The following TMTC2 variants were observed in gnomAD, a reference collection of about 807,000 sequenced individuals.
The protein encoded by TMTC2 is protein O-mannosyl-transferase TMTC2.
TMTC2 carries 43 observed loss-of-function variants against 82.4 expected under a neutral mutation model. The ratio of observed to expected loss-of-function variants is 0.52; its 90% CI spans 0.41 to 0.67. TMTC2 has a LOEUF of 0.67. Ranked by LOEUF, TMTC2 falls within the 30% of genes least tolerant of loss-of-function variation. The pLI, the probability that TMTC2 is intolerant of heterozygous loss-of-function variation, is 0.00. For missense variants in TMTC2, 919 were observed against 1,012.4 expected, an observed-to-expected ratio of 0.91 and a Z score of 1.25; for synonymous variants, 408 against 381.9, an observed-to-expected ratio of 1.07 and a Z score of -0.80.
intron 11 of TMTC2, among the ~76,000 whole-genome samples, chr12:83,080,101 G>A (rs1883412995): frequency 6.6e-6 from 1 of 152,114 alleles, no homozygotes; most frequent in African/African-American, 2.4e-5. Context: ...GATTGACACA[G>A]TAACTCCCAA....
At position 82,897,966 on chromosome 12, in the gene TMTC2, T is replaced by TAC. The variant is rs1329826747; in HGVS notation, c.1483+1321_1483+1322insCA. On this transcript the variant is annotated intron_variant, in intron 3 of 11. Transcript: ENST00000321196. ...TGAAAATGGCCTGCTAATAGGTGTA[T>TAC]ATATATATATATAAAGACCTAGATA... is the stretch of plus-strand genomic sequence containing the variant. Among the ~76,000 whole-genome samples the TAC allele has an allele frequency of 9.5e-5, 3 of 31,556 alleles. No homozygotes were observed. In the East Asian group the frequency reaches 2.6e-3, roughly 27 times the overall value. The allele number at this position is 31,556 out of a possible 152,430, so 20.7% of individuals were successfully genotyped here.
intron 1 of TMTC2, among the ~76,000 whole-genome samples, chr12:82,723,811 C>T (rs765270383): frequency 6.6e-6 from 1 of 152,308 alleles, no homozygotes; most frequent in African/African-American, 2.4e-5. Context: ...GCATCTAGGA[C>T]TTCTGAAAAC....
At chr12:82,839,326 T>A (rs1408330473) in intron 1 of TMTC2, among the ~76,000 whole-genome samples, 1 of 152,202 alleles carries the variant, frequency 6.6e-6, no homozygotes, top group Non-Finnish European at 1.5e-5. Context: ...TGAGAATCTA[T>A]CTATTCTGAG....
chr12:82,691,618 G>A (rs1198082634), intron 1 of TMTC2, among the ~76,000 whole-genome samples: 1 of 151,936 alleles, frequency 6.6e-6, no homozygotes, highest in Non-Finnish European at 1.5e-5. Flanking sequence ...GTTAGTTTGG[G>A]TTTTTTGACC....
chr12:82,995,502 T>C (rs1197250279), intron 8 of TMTC2, among the ~76,000 whole-genome samples: 1 of 152,146 alleles, frequency 6.6e-6, no homozygotes, highest in Non-Finnish European at 1.5e-5. Flanking sequence ...TATGTTACAT[T>C]TGAGGCTCAT....
intron 7 of TMTC2, among the ~76,000 whole-genome samples, chr12:82,979,831 C>T (rs1878842885): frequency 6.6e-6 from 1 of 151,692 alleles, no homozygotes; most frequent in African/African-American, 2.4e-5. Context: ...TCTATTTCTC[C>T]TTCATGTTTG....
intron 4 of TMTC2, among the ~76,000 whole-genome samples, chr12:82,942,877 CT>C (rs1437531004): frequency 6.6e-6 from 1 of 151,920 alleles, no homozygotes; most frequent in African/African-American, 2.4e-5. Context: ...CATTTTCTTT[CT>C]ATTGCAGGTT....
At chr12:82,952,719 T>C (rs1264250508) in intron 4 of TMTC2, among the ~76,000 whole-genome samples, 3 of 151,962 alleles carry the variant, frequency 2.0e-5, no homozygotes, top group African/African-American at 7.3e-5. Context: ...CTAATTTTTG[T>C]GTGTGGTGTT....
chr12:82,847,953 T>A (rs1374994004), intron 1 of TMTC2, among the ~76,000 whole-genome samples: 1 of 152,094 alleles, frequency 6.6e-6, no homozygotes, highest in African/African-American at 2.4e-5. Context: ...AATAATAATT[T>A]TAAAAAAGAA....
intron 4 of TMTC2, among the ~76,000 whole-genome samples, chr12:82,948,853 AT>A (rs35592744): frequency 0.74 from 110,716 of 149,594 alleles, 41,660 homozygotes; most frequent in South Asian, 0.84. Flanking sequence ...CTCAAAAGCT[AT>A]TTTTTTTTTT....
At chr12:82,856,534 G>T (rs1871266263) in intron 1 of TMTC2, among the ~76,000 whole-genome samples, 1 of 152,132 alleles carries the variant, frequency 6.6e-6, no homozygotes, top group South Asian at 2.1e-4. Context: ...AGGGTTGTCA[G>T]GTGATTTGTA....
rs1491534159 is a variant in TMTC2, at chr12:82,696,963, C to CATATATATAT, written c.83+9294_83+9295insATATATATAT. Among the ~76,000 whole-genome samples the CATATATATAT allele has an allele frequency of 1.6e-4, 20 of 121,422 alleles. 2 individuals are homozygous for CATATATATAT. The East Asian group carries it at 4.9e-3, about 29-fold the overall frequency. 79.7% of individuals were successfully genotyped at this position (121,422 alleles called of 152,430 possible). ...AGCTCTCTTTCTACATACATACATA[C>CATATATATAT]GTATATATATATATATATATGTTTC... On this transcript the variant is annotated intron_variant, in intron 1 of 11. Transcript: ENST00000321196.
chr12:82,995,493 A>C (rs745706319), intron 8 of TMTC2, among the ~76,000 whole-genome samples: 2 of 152,124 alleles, frequency 1.3e-5, no homozygotes, highest in South Asian at 4.1e-4. Flanking sequence ...ATGTTTACCT[A>C]TGTTACATTT....
chr12:83,079,055 A>T (rs1883378399), intron 11 of TMTC2, among the ~76,000 whole-genome samples: 1 of 152,182 alleles, frequency 6.6e-6, no homozygotes, highest in African/African-American at 2.4e-5. Context: ...TAATACAATT[A>T]ATAACTACAA....
intron 1 of TMTC2, among the ~76,000 whole-genome samples, chr12:82,772,862 A>G (rs1180875538): frequency 6.6e-6 from 1 of 152,182 alleles, no homozygotes; most frequent in Non-Finnish European, 1.5e-5. Flanking sequence ...TGGTGTTGAC[A>G]CAAATGGGAA....
chr12:82,724,030 A>C (rs1275593982), intron 1 of TMTC2, among the ~76,000 whole-genome samples: 1 of 152,228 alleles, frequency 6.6e-6, no homozygotes, highest in East Asian at 1.9e-4. Flanking sequence ...GGGGATACAA[A>C]GAACTTCTGG....
intron 1 of TMTC2, among the ~76,000 whole-genome samples, chr12:82,706,848 G>T (rs911316316): frequency 1.3e-5 from 2 of 152,112 alleles, no homozygotes; most frequent in African/African-American, 4.8e-5. Flanking sequence ...GAGATGGAAA[G>T]ACGTGCCTAC....
chr12:82,857,322 A>G lies in TMTC2; in HGVS notation c.396A>G (p.Ala132=). The change falls in exon 2 of 12, where the codon GCA becomes GCG. Residue 132 remains alanine, a synonymous_variant. Coordinates refer to ENST00000321196, the MANE Select transcript of TMTC2 (RefSeq NM_152588.3). ...MFASHPIHTE[A]VAGIVGRADV... ...CTTCTCACCCCATTCACACGGAGGC[A>G]GTGGCAGGAATCGTGGGACGAGCCG... The G allele has an allele frequency of 6.2e-7, 1 of 1,614,160 alleles. No individual in the cohort carries two copies. The highest frequency in any genetic ancestry group is 8.5e-7 in the Non-Finnish European group (1 of 1,180,030).
chr12:82,981,651 G>A (rs10862533), intron 7 of TMTC2, among the ~76,000 whole-genome samples: 116,901 of 151,770 alleles, frequency 0.77, 46,140 homozygotes, highest in East Asian at 0.96. Context: ...CACCATAAAC[G>A]TTTTTTTCTA....
Sources: allele counts gnomAD v4.1 joint callset (sites outside exome capture counted in the v4.1 genomes callset), GRCh38; gene constraint gnomAD v4.1.1; transcripts MANE v1.5; gene names NCBI Gene and HGNC (gene_info 2026-07-23, HGNC 2026-07-21).